The following GSAP variants were observed in gnomAD, a reference collection of about 807,000 sequenced individuals.
The protein encoded by GSAP is gamma-secretase activating protein, also known as gamma-secretase-activating protein.
GSAP carries 118 observed loss-of-function variants against 131.7 expected under a neutral mutation model. The observed-to-expected ratio is 0.90, with a 90% CI of 0.77 to 1.04. The LOEUF is 1.04. GSAP is among the 50% of genes least tolerant of loss of function. The pLI is 0.00. For synonymous variants in GSAP, 381 were observed against 363.4 expected (o/e 1.05, Z -0.55); for missense variants, 1,019 against 1,013.2 (o/e 1.01, Z -0.08).
intron 19 of GSAP, among the ~76,000 whole-genome samples, chr7:77,349,075 A>G (rs779800922): frequency 3.1e-4 from 47 of 152,204 alleles, no homozygotes; most frequent in Non-Finnish European, 5.0e-4. Context: ...TCTGAGGTAC[A>G]GTGGCAAGTG....
chr7:77,349,215 T>G, intron 19 of GSAP, 136 bp downstream of exon 19: 1 of 659,262 alleles, frequency 1.5e-6, no homozygotes, highest in Non-Finnish European at 2.7e-6. Context: ...GGAAGGATTC[T>G]CCAGAAAACC....
chr7:77,336,913 T>C (rs755050779), intron 19 of GSAP, among the ~76,000 whole-genome samples: 49 of 152,334 alleles, frequency 3.2e-4, no homozygotes, highest in Middle Eastern at 3.4e-3. Context: ...AGAAAATATG[T>C]GCAAACTGAA....
intron 12 of GSAP, among the ~76,000 whole-genome samples, chr7:77,372,331 A>C (rs1796248092): frequency 6.6e-6 from 1 of 152,250 alleles, no homozygotes. Flanking sequence ...GCCAAATGTA[A>C]TGTATGAATC....
chr7:77,382,260 C>A (rs1797911778), intron 7 of GSAP, among the ~76,000 whole-genome samples: 1 of 152,032 alleles, frequency 6.6e-6, no homozygotes, highest in Non-Finnish European at 1.5e-5. Flanking sequence ...ATCCAAAAGA[C>A]AGATGAACTA....
intron 27 of GSAP, 51 bp from the exon 28 acceptor site, chr7:77,313,600 T>C (rs1001229093): frequency 2.3e-6 from 2 of 855,494 alleles, no homozygotes; most frequent in Non-Finnish European, 3.9e-6. Context: ...ATTTTGATAC[T>C]TTAGCAAGTT....
chr7:77,361,031 A>G (rs1794459608), intron 13 of GSAP, 130 bp from the exon 14 acceptor site: 9 of 610,760 alleles, frequency 1.5e-5, no homozygotes. Flanking sequence ...TCAGACTTCT[A>G]GATTTCATGG....
intron 19 of GSAP, among the ~76,000 whole-genome samples, chr7:77,347,154 C>T (rs2150807972): frequency 6.6e-6 from 1 of 152,238 alleles, no homozygotes; most frequent in South Asian, 2.1e-4. Context: ...CCCCATACCC[C>T]ACTCTATGCG....
chr7:77,325,638 T>C (rs1275081070), intron 23 of GSAP, among the ~76,000 whole-genome samples: 2 of 152,226 alleles, frequency 1.3e-5, no homozygotes, highest in Admixed American at 1.3e-4. Context: ...TGGCGCAATC[T>C]TGGTTCACTG....
At chr7:77,383,051 G>C (rs1000399225) in intron 6 of GSAP, among the ~76,000 whole-genome samples, 7 of 152,084 alleles carry the variant, frequency 4.6e-5, no homozygotes, top group Non-Finnish European at 1.0e-4. Flanking sequence ...GCCAAGTGTG[G>C]TGGCACGTGC....
intron 18 of GSAP, among the ~76,000 whole-genome samples, chr7:77,352,445 C>T (rs1793023527): frequency 6.6e-6 from 1 of 152,144 alleles, no homozygotes; most frequent in African/African-American, 2.4e-5. Context: ...AGGAGGGAGT[C>T]AGAACCGACA....
intron 19 of GSAP, among the ~76,000 whole-genome samples, chr7:77,338,241 C>T (rs372149433): frequency 2.0e-5 from 3 of 152,092 alleles, no homozygotes; most frequent in Non-Finnish European, 1.5e-5. Context: ...TGAAAGTTGC[C>T]GTTTCCCTAG....
At position 77,330,257 on chromosome 7, in the gene GSAP, G is replaced by T; in HGVS notation, c.1656C>A (p.His552Gln). The change falls in exon 20 of 31, where the codon CAC (histidine) becomes CAA (glutamine). Residue 552 changes from histidine (H) to glutamine (Q), a missense_variant. His to Gln is a conservative substitution (Grantham distance 24). Transcript: ENST00000257626. ...CTCATACCTCTTCAGAGATCAGGTT[G>T]TGCCACTCTCTCCTGACCACACTGT... ...YNNSVVRREW[H>Q]NLISEEKTGK... 1 of 1,612,636 alleles carries T rather than the reference G, an allele frequency of 6.2e-7. No individual in the cohort carries two copies. Among genetic ancestry groups the T allele is most frequent in the Admixed American group, 1.7e-5 (1 of 59,834 alleles).
intron 3 of GSAP, among the ~76,000 whole-genome samples, chr7:77,403,586 G>A (rs1026917525): frequency 7.2e-5 from 11 of 152,136 alleles, no homozygotes; most frequent in African/African-American, 2.7e-4. Context: ...ATAAGGAAAG[G>A]GGTTCCTTGT....
chr7:77,398,098 C>T (rs1800736468), intron 3 of GSAP, among the ~76,000 whole-genome samples: 1 of 152,024 alleles, frequency 6.6e-6, no homozygotes, highest in Admixed American at 6.6e-5. Context: ...GATTGAGGAA[C>T]TAGAGAACAC....
chr7:77,331,634 T>C (rs1017721998), intron 19 of GSAP, among the ~76,000 whole-genome samples: 1 of 152,202 alleles, frequency 6.6e-6, no homozygotes, highest in Non-Finnish European at 1.5e-5. Flanking sequence ...TGGTTTGAAA[T>C]GTGTTTTGGA....
chr7:77,334,121 C>T (rs1360019046), intron 19 of GSAP, among the ~76,000 whole-genome samples: 3 of 152,106 alleles, frequency 2.0e-5, no homozygotes, highest in Non-Finnish European at 2.9e-5. Context: ...GCTACATGCA[C>T]GTGTATGTTC....
chr7:77,341,059 T>C (rs10225449), intron 19 of GSAP, among the ~76,000 whole-genome samples: 94,740 of 152,008 alleles, frequency 0.62, 30,596 homozygotes, highest in African/African-American at 0.78. Flanking sequence ...AATACAAACT[T>C]GATAATGGTT....
Position 77,323,594 on chromosome 7 carries a change from A to G in GSAP, c.1923+53T>C. ...TTCCCTGCACCACATTTTCAGAACT[A>G]TATGGGGAGTGGGGTGAAGGGGCAT... On this transcript the variant is annotated intron_variant, in intron 24 of 30. Transcript: ENST00000257626. 5 of 859,462 alleles carry G rather than the reference A, an allele frequency of 5.8e-6. No homozygotes were observed. In the East Asian group the frequency reaches 7.8e-5, roughly 13 times the overall value. The allele number at this position is 859,462 out of a possible 1,614,324, so 53.2% of individuals were successfully genotyped here.
rs71085453 is a variant in GSAP at position 77,390,946 on chromosome 7, T to TAAAAAAA, written c.368-3505_368-3499dup. Among the ~76,000 whole-genome samples, 25 of 37,942 alleles carry TAAAAAAA rather than the reference T, an allele frequency of 6.6e-4. 6 individuals are homozygous for TAAAAAAA. The highest frequency in any genetic ancestry group is 9.2e-4 in the Admixed American group (3 of 3,266). 24.9% of individuals were successfully genotyped at this position (37,942 alleles called of 152,430 possible). ...CCTGGTGACAGAGCGAGACTCCGTC[T>TAAAAAAA]AAAAAAAAAAAAAAAAAAAAAAAAA... On this transcript the variant is annotated intron_variant, in intron 5 of 30. Transcript: ENST00000257626.
Sources: gnomAD v4.1 joint callset for allele counts (sites outside exome capture counted in the v4.1 genomes callset) on GRCh38, gnomAD v4.1.1 for gene constraint, MANE v1.5 for transcripts, NCBI Gene and HGNC (gene_info 2026-07-23, HGNC 2026-07-21) for gene names.